STPG4: variants seen among roughly 807,000 people sequenced by gnomAD.
The protein encoded by STPG4 is protein STPG4.
A neutral mutation model predicts 31.5 loss-of-function variants in STPG4; 41 were observed. The ratio of observed to expected loss-of-function variants is 1.30; its 90% CI spans 1.01 to 1.69. The LOEUF (loss-of-function observed/expected upper bound fraction) is 1.69, where lower values mean the gene tolerates loss of function less well. Among genes scored for constraint, STPG4 ranks in the 40% most tolerant of loss-of-function variants. The probability of loss-of-function intolerance (pLI) is 0.00; values close to 1 mark genes in which losing one functional copy is unlikely to be tolerated. For missense variants in STPG4, 375 were observed against 293.4 expected (o/e 1.28, Z -2.03); for synonymous variants, 141 against 103.0 (o/e 1.37, Z -2.24).
intron 3 of STPG4, among the ~76,000 whole-genome samples, chr2:47,138,448 G>A (rs1437878516): frequency 6.6e-6 from 1 of 151,004 alleles, no homozygotes. Flanking sequence ...CTATAGTGCA[G>A]TGGTGTGATC....
intron 3 of STPG4, among the ~76,000 whole-genome samples, chr2:47,147,243 C>A (rs1317899869): frequency 2.6e-5 from 4 of 152,168 alleles, no homozygotes; most frequent in African/African-American, 4.8e-5. Flanking sequence ...AGCATGAGAG[C>A]AGTCATGCAG....
intron 5 of STPG4, among the ~76,000 whole-genome samples, chr2:47,125,230 G>A (rs577033822): frequency 6.6e-6 from 1 of 152,076 alleles, no homozygotes; most frequent in Non-Finnish European, 1.5e-5. Flanking sequence ...AGACCAGCCT[G>A]GGCAACATGG....
chr2:47,142,782 A>G (rs1476766136), intron 3 of STPG4, among the ~76,000 whole-genome samples: 1 of 149,520 alleles, frequency 6.7e-6, no homozygotes, highest in Non-Finnish European at 1.5e-5. Context: ...ATTTTTTTTC[A>G]TGTAGTAACA....
At chr2:47,087,656 C>T (rs376205006) in intron 6 of STPG4, among the ~76,000 whole-genome samples, 32 of 152,230 alleles carry the variant, frequency 2.1e-4, no homozygotes, top group African/African-American at 7.7e-4. Flanking sequence ...TCCATGGACC[C>T]CAGGGTCAGA....
At chr2:47,095,754 C>G (rs4339009) in intron 5 of STPG4, among the ~76,000 whole-genome samples, 61,116 of 152,076 alleles carry the variant, frequency 0.4, 13,438 homozygotes, top group Middle Eastern at 0.56. Context: ...CATGTCTACC[C>G]AGAATAAGGA....
intron 5 of STPG4, among the ~76,000 whole-genome samples, chr2:47,122,497 A>C (rs1558680361): frequency 6.6e-6 from 1 of 152,126 alleles, no homozygotes. Context: ...ATTTATTTTA[A>C]TGTGTGCTAT....
intron 5 of STPG4, among the ~76,000 whole-genome samples, chr2:47,128,099 T>C (rs1394304669): frequency 6.6e-6 from 1 of 152,220 alleles, no homozygotes; most frequent in Non-Finnish European, 1.5e-5. Flanking sequence ...GGTAGACTTG[T>C]AGAGGTAATG....
chr2:47,153,663 C>G (rs958608240), intron 1 of STPG4, among the ~76,000 whole-genome samples: 2 of 152,150 alleles, frequency 1.3e-5, no homozygotes, highest in South Asian at 4.1e-4. Flanking sequence ...GTAATCCCTA[C>G]TCATGAGGCT....
chr2:47,101,975 G>A (rs750538659), intron 5 of STPG4, among the ~76,000 whole-genome samples: 4 of 151,752 alleles, frequency 2.6e-5, no homozygotes, highest in East Asian at 1.9e-4. Flanking sequence ...GATTTTTCTC[G>A]GTCGGTCCTC....
At chr2:47,088,248 T>G (rs1430167093) in intron 6 of STPG4, among the ~76,000 whole-genome samples, 4 of 152,176 alleles carry the variant, frequency 2.6e-5, no homozygotes, top group Non-Finnish European at 5.9e-5. Flanking sequence ...CCTGGCCCTA[T>G]TTTACCAATT....
At chr2:47,153,721 C>T (rs537849908) in intron 1 of STPG4, among the ~76,000 whole-genome samples, 43 of 152,126 alleles carry the variant, frequency 2.8e-4, no homozygotes, top group Non-Finnish European at 4.7e-4. Context: ...TGCAGTGGGC[C>T]GAGATCACAT....
At position 47,133,570 on chromosome 2, in the gene STPG4, C is replaced by CTTTTTTTTTTTTTTTTTTTTTT. The variant is rs10682288; in HGVS notation, c.400-3332_400-3311dup. On this transcript the variant is annotated intron_variant, in intron 3 of 6. Coordinates refer to ENST00000445927, the MANE Select transcript of STPG4 (RefSeq NM_001163561.2). Reference sequence around the variant, plus strand: ...ATCCATGCTGATTAGGCACTCAAATCTTTTTTTTTTTTTTTTTTTTTTTTG... The same window carrying CTTTTTTTTTTTTTTTTTTTTTT: ...ATCCATGCTGATTAGGCACTCAAATCTTTTTTTTTTTTTTTTTTTTTTTTTTTTTTTTTTTTTTTTTTTTTTG... 3.7e-4 allele frequency among the ~76,000 whole-genome samples: 25 copies of CTTTTTTTTTTTTTTTTTTTTTT among 67,142 alleles called. 8 individuals carry two copies. Among genetic ancestry groups the CTTTTTTTTTTTTTTTTTTTTTT allele is most frequent in the Admixed American group, 5.4e-4 (2 of 3,700 alleles). 44.0% of individuals were successfully genotyped at this position (67,142 alleles called of 152,430 possible).
At chr2:47,117,091 A>AC (rs1486981666) in intron 5 of STPG4, among the ~76,000 whole-genome samples, 2 of 152,028 alleles carry the variant, frequency 1.3e-5, no homozygotes, top group Non-Finnish European at 2.9e-5. Flanking sequence ...CTTTCTCTTC[A>AC]CCCATGCCCT....
chr2:47,151,618 T>G, intron 2 of STPG4, 103 bp from the exon 3 acceptor site: 2 of 916,408 alleles, frequency 2.2e-6, no homozygotes, highest in Non-Finnish European at 3.4e-6. Context: ...CTCTTTGTTT[T>G]CAAGTTTAAT....
intron 5 of STPG4, among the ~76,000 whole-genome samples, chr2:47,114,431 C>G (rs1041771238): frequency 6.6e-6 from 1 of 152,044 alleles, no homozygotes; most frequent in Non-Finnish European, 1.5e-5. Flanking sequence ...AACTTGAACC[C>G]AGGAGGCAGA....
chr2:47,114,598 T>C (rs1452929656), intron 5 of STPG4, among the ~76,000 whole-genome samples: 1 of 152,200 alleles, frequency 6.6e-6, no homozygotes, highest in African/African-American at 2.4e-5. Flanking sequence ...CCAATATTCT[T>C]GCATGACAAA....
At chr2:47,099,853 G>C (rs1400165429) in intron 5 of STPG4, among the ~76,000 whole-genome samples, 1 of 152,226 alleles carries the variant, frequency 6.6e-6, no homozygotes, top group Non-Finnish European at 1.5e-5. Flanking sequence ...CTGGCCCCGG[G>C]CAATGAGGGG....
At chr2:47,132,532 T>C (rs2103783445) in intron 3 of STPG4, among the ~76,000 whole-genome samples, 1 of 152,338 alleles carries the variant, frequency 6.6e-6, no homozygotes, top group Middle Eastern at 3.4e-3. Flanking sequence ...AATTTAATGG[T>C]GAAATATATG....
intron 3 of STPG4, among the ~76,000 whole-genome samples, chr2:47,132,111 G>A (rs187679714): frequency 6.6e-6 from 1 of 151,326 alleles, no homozygotes; most frequent in Non-Finnish European, 1.5e-5. Flanking sequence ...GTTGCAGTGA[G>A]CCAAGATCGT....
Sources: gnomAD v4.1 joint callset for allele counts (sites outside exome capture counted in the v4.1 genomes callset) on GRCh38, gnomAD v4.1.1 for gene constraint, MANE v1.5 for transcripts, NCBI Gene and HGNC (gene_info 2026-07-23, HGNC 2026-07-21) for gene names.